The following ACVR1B variants were observed in gnomAD, a reference collection of about 807,000 sequenced individuals.
ACVR1B encodes the protein activin receptor type-1B.
In ACVR1B, 15 loss-of-function variants were observed where a neutral mutation model predicts 55.6. That is an observed-to-expected ratio of 0.27 (90% CI 0.18 to 0.42). The LOEUF is 0.42. Ranked by LOEUF, ACVR1B falls within the 10% of genes least tolerant of loss-of-function variation. The pLI is 1.00. For missense variants in ACVR1B, 359 were observed against 670.1 expected (o/e 0.54, Z 5.13); for synonymous variants, 247 against 254.6 (o/e 0.97, Z 0.28).
rs1163000237 is a variant in ACVR1B at position 51,995,367 on chromosome 12, T to TGGA, written c.*1260_*1262dup. 2 of 151,852 alleles carry TGGA rather than the reference T, an allele frequency of 1.3e-5. No individual in the cohort carries two copies. The highest frequency in any genetic ancestry group is 4.8e-5 in the African/African-American group (2 of 41,254). The allele number at this position is 151,852 out of a possible 1,614,324, so 9.4% of individuals were successfully genotyped here. A position where few individuals can be genotyped will look rare whatever the true frequency, so the allele number is the denominator to read the frequency against. ...CTTTTACTGGACTGTCTGATCAGGG[T>TGGA]GGAGGGAAGGTGAGAGGTTTGCATC... On this transcript the variant is annotated 3_prime_UTR_variant, in exon 9 of 9. Transcript: ENST00000257963.
intron 1 of ACVR1B, among the ~76,000 whole-genome samples, chr12:51,961,960 G>C (rs866715860): frequency 2.0e-5 from 3 of 152,222 alleles, no homozygotes; most frequent in African/African-American, 7.2e-5. Flanking sequence ...GCCCTTGCTA[G>C]ATGTTCAGGT....
intron 3 of ACVR1B, 31 bp from the exon 4 acceptor site, chr12:51,980,938 G>C (rs1291846983): frequency 1.3e-6 from 2 of 1,554,194 alleles, no homozygotes; most frequent in African/African-American, 1.4e-5. Flanking sequence ...AATTTGCAAT[G>C]TCAGGTTTCT....
At chr12:51,961,207 C>T (rs1941518291) in intron 1 of ACVR1B, among the ~76,000 whole-genome samples, 1 of 152,188 alleles carries the variant, frequency 6.6e-6, no homozygotes, top group Non-Finnish European at 1.5e-5. Flanking sequence ...TCTCCATGCC[C>T]AAAGAATTGG....
intron 1 of ACVR1B, among the ~76,000 whole-genome samples, chr12:51,961,289 A>G (rs1941521195): frequency 6.6e-6 from 1 of 152,210 alleles, no homozygotes; most frequent in African/African-American, 2.4e-5. Context: ...GTACTTAATA[A>G]GTTTGTTTAA....
chr12:51,954,033 A>C (rs1941362995), intron 1 of ACVR1B, among the ~76,000 whole-genome samples: 1 of 152,158 alleles, frequency 6.6e-6, no homozygotes. Flanking sequence ...CACTGCTGCA[A>C]AGGGCTTAAA....
chr12:51,992,115 A>G (rs189226235), intron 8 of ACVR1B, 122 bp downstream of exon 8: 2 of 1,280,734 alleles, frequency 1.6e-6, no homozygotes, highest in East Asian at 4.9e-5. Flanking sequence ...ATTATTTACT[A>G]TTACGTGCTA....
At position 51,990,910 on chromosome 12, in the gene ACVR1B, C is replaced by G. The variant is rs369665445; in HGVS notation, c.1262-953C>G. ...ATTTCCTATGAATTGGTAGTTAGAT[C>G]TGGCAGCTAGAATCATTTCTGGGGG... On this transcript the variant is annotated intron_variant, in intron 7 of 8. Transcript: ENST00000257963. Among the ~76,000 whole-genome samples, 4 of 152,294 alleles carry G rather than the reference C, an allele frequency of 2.6e-5. No homozygotes were observed. In the East Asian group the frequency reaches 7.7e-4, roughly 29 times the overall value.
chr12:51,964,997 C>CA (rs149554452), intron 1 of ACVR1B, among the ~76,000 whole-genome samples: 3 of 149,474 alleles, frequency 2.0e-5, no homozygotes, highest in Admixed American at 6.7e-5. Flanking sequence ...TGGAAAAAAA[C>CA]AAAAAAAAGG....
At chr12:51,980,142 A>T (rs865889106) in intron 3 of ACVR1B, among the ~76,000 whole-genome samples, 3 of 152,180 alleles carry the variant, frequency 2.0e-5, no homozygotes, top group Non-Finnish European at 2.9e-5. Context: ...GGATGATAAC[A>T]GCGCCTTACC....
chr12:51,979,789 T>C (rs1941943299), intron 3 of ACVR1B, among the ~76,000 whole-genome samples: 1 of 152,040 alleles, frequency 6.6e-6, no homozygotes, highest in Admixed American at 6.6e-5. Context: ...CTGGCAGTGG[T>C]GTGGAGGATG....
intron 1 of ACVR1B, among the ~76,000 whole-genome samples, chr12:51,971,649 A>G (rs1941748044): frequency 6.6e-6 from 1 of 152,230 alleles, no homozygotes; most frequent in Non-Finnish European, 1.5e-5. Flanking sequence ...CAGTAAATTT[A>G]GATGTTTTTA....
chr12:51,962,656 T>G (rs1163276302), intron 1 of ACVR1B, among the ~76,000 whole-genome samples: 1 of 152,200 alleles, frequency 6.6e-6, no homozygotes, highest in Non-Finnish European at 1.5e-5. Flanking sequence ...TTGCCTCTAT[T>G]TTGTGAACAG....
At chr12:51,969,492 C>G (rs2120542636) in intron 1 of ACVR1B, among the ~76,000 whole-genome samples, 1 of 152,212 alleles carries the variant, frequency 6.6e-6, no homozygotes, top group South Asian at 2.1e-4. Context: ...CTGATGAGAC[C>G]TATAATAAAA....
At position 51,990,145 on chromosome 12, in the gene ACVR1B, T is replaced by C. The variant is rs200523463; in HGVS notation, c.1262-1718T>C. 2.9e-4 allele frequency among the ~76,000 whole-genome samples: 44 copies of C among 151,158 alleles called. No individual in the cohort carries two copies. In the East Asian group the frequency reaches 7.5e-3, roughly 26 times the overall value. ...CCCGAATCTACTAAAAATACAAAAATTAGCCGGGCATGGTGGCAGGCACCT... is the reference window on the plus strand; with the variant it reads ...CCCGAATCTACTAAAAATACAAAAACTAGCCGGGCATGGTGGCAGGCACCT... On this transcript the variant is annotated intron_variant, in intron 7 of 8. Coordinates refer to ENST00000257963, the MANE Select transcript of ACVR1B (RefSeq NM_004302.5).
chr12:51,987,571 G>C (rs1458387962), intron 7 of ACVR1B: 1 of 183,192 alleles, frequency 5.5e-6, no homozygotes, highest in East Asian at 1.5e-4. Flanking sequence ...TCAAGTTCCA[G>C]GACCTCTAGA....
chr12:51,977,213 T>TC (rs1202207562), intron 3 of ACVR1B, among the ~76,000 whole-genome samples: 5 of 152,114 alleles, frequency 3.3e-5, no homozygotes, highest in Non-Finnish European at 7.4e-5. Flanking sequence ...ATAAAGGAGC[T>TC]CGGGGTTGTT....
At chr12:51,987,044 C>T (rs1942092937) in intron 7 of ACVR1B, 102 bp downstream of exon 7, 1 of 1,499,926 alleles carries the variant, frequency 6.7e-7, no homozygotes, top group Non-Finnish European at 9.3e-7. Flanking sequence ...TGTTGGATGC[C>T]TGTTGCCAGA....
intron 1 of ACVR1B, among the ~76,000 whole-genome samples, chr12:51,956,126 T>G (rs1235586115): frequency 6.6e-6 from 1 of 152,214 alleles, no homozygotes; most frequent in African/African-American, 2.4e-5. Context: ...CTGTGAAGTT[T>G]CCATCCCAGG....
chr12:51,960,086 A>C (rs1286800566), intron 1 of ACVR1B: 1 of 152,170 alleles, frequency 6.6e-6, no homozygotes, highest in Non-Finnish European at 1.5e-5. Flanking sequence ...GAATGCTGAG[A>C]GGGATCCTGA....
Sources: gnomAD v4.1 joint callset for allele counts (sites outside exome capture counted in the v4.1 genomes callset) on GRCh38, gnomAD v4.1.1 for gene constraint, MANE v1.5 for transcripts, NCBI Gene and HGNC (gene_info 2026-07-23, HGNC 2026-07-21) for gene names.